Variants in SLC1A2 observed in about 807,000 individuals in gnomAD.
SLC1A2 encodes the protein solute carrier family 1 member 2, also known as excitatory amino acid transporter 2.
Under a neutral mutation model 48.8 loss-of-function variants are expected in SLC1A2, and 15 were observed. The ratio of observed to expected loss-of-function variants is 0.31; its 90% CI spans 0.21 to 0.47. SLC1A2 has a LOEUF of 0.47. SLC1A2 is among the 20% of genes least tolerant of loss of function. The pLI is 0.99. For missense variants in SLC1A2, 502 were observed against 730.5 expected, an observed-to-expected ratio of 0.69 and a Z score of 3.61; for synonymous variants, 279 against 272.6, an observed-to-expected ratio of 1.02 and a Z score of -0.23.
At chr11:35,354,475 T>C (rs1185983878) in intron 1 of SLC1A2, among the ~76,000 whole-genome samples, 1 of 151,914 alleles carries the variant, frequency 6.6e-6, no homozygotes, top group Non-Finnish European at 1.5e-5. Flanking sequence ...ACTAACTAAA[T>C]AAATAAATAA....
At chr11:35,276,912 A>G (rs536805221) in intron 9 of SLC1A2, among the ~76,000 whole-genome samples, 5 of 152,360 alleles carry the variant, frequency 3.3e-5, no homozygotes, top group African/African-American at 9.6e-5. Context: ...TAATTTATAT[A>G]GAACAGAAAT....
chr11:35,371,275 G>A (rs1190545296), intron 1 of SLC1A2, among the ~76,000 whole-genome samples: 1 of 152,064 alleles, frequency 6.6e-6, no homozygotes, highest in Non-Finnish European at 1.5e-5. Flanking sequence ...CACCAACTTG[G>A]CTCCAATCCA....
In SLC1A2 at chr11:35,318,196, A is replaced by T. The variant is rs1009002450; in HGVS notation, c.18-680T>A. 2.0e-5 allele frequency among the ~76,000 whole-genome samples: 3 copies of T among 152,372 alleles called. 1 individual carries two copies. Among genetic ancestry groups the T allele is most frequent in the Middle Eastern group, 6.8e-3 (2 of 294 alleles). On this transcript the variant is annotated intron_variant, in intron 1 of 10. Transcript: ENST00000278379. ...TTTAAGAAGTATTTTGATCACCTCC[A>T]GCTATGGCTGCAGCCAAGCCCTTTT...
At position 35,331,375 on chromosome 11, in the gene SLC1A2, T is replaced by C. The variant is rs563758442; in HGVS notation, c.18-13859A>G. Among the ~76,000 whole-genome samples the C allele has an allele frequency of 2.6e-5, 4 of 152,324 alleles. No homozygotes were observed. The South Asian group carries it at 8.3e-4, about 32-fold the overall frequency. On this transcript the variant is annotated intron_variant, in intron 1 of 10. Coordinates refer to ENST00000278379, the MANE Select transcript of SLC1A2 (RefSeq NM_004171.4). ...GGTTCCTTCTAATGAGCTGCTAAAT[T>C]TGTGGCTATTGAAAGTGAACTAAAC...
At chr11:35,263,329 A>G (rs1045029450) in intron 10 of SLC1A2, among the ~76,000 whole-genome samples, 5 of 152,108 alleles carry the variant, frequency 3.3e-5, no homozygotes, top group African/African-American at 4.8e-5. Context: ...TTAGCTGGGC[A>G]TGGTGGCACA....
At chr11:35,299,351 C>CTGTGTGTGTGTGTG (rs3046423) in intron 6 of SLC1A2, 3 of 93,512 alleles carry the variant, frequency 3.2e-5, no homozygotes, top group Admixed American at 1.2e-4. Flanking sequence ...CTCTCTCTCT[C>CTGTGTGTGTGTGTG]TCTGTGTGTG....
intron 9 of SLC1A2, among the ~76,000 whole-genome samples, chr11:35,266,455 A>G (rs549771229): frequency 6.6e-6 from 1 of 152,316 alleles, no homozygotes; most frequent in South Asian, 2.1e-4. Flanking sequence ...AATCTTCCAG[A>G]ATGTTTCTGG....
At chr11:35,369,228 G>A (rs1417242328) in intron 1 of SLC1A2, among the ~76,000 whole-genome samples, 2 of 152,164 alleles carry the variant, frequency 1.3e-5, no homozygotes, top group South Asian at 2.1e-4. Context: ...CCTTCCCAGA[G>A]ACTGGGGGCT....
chr11:35,365,993 A>T (rs562158756), intron 1 of SLC1A2, among the ~76,000 whole-genome samples: 1 of 152,344 alleles, frequency 6.6e-6, no homozygotes, highest in East Asian at 1.9e-4. Context: ...TATAATGCAT[A>T]AAACAGTCCT....
rs60780591 is a variant in SLC1A2 at position 35,311,694 on chromosome 11, T to C, written c.561+504A>G. ...TCATCTCTTGGAGATTCTGATTGTGTAGGGTATTTGTATTTTTTTAAAAGT... is the reference window on the plus strand; with the variant it reads ...TCATCTCTTGGAGATTCTGATTGTGCAGGGTATTTGTATTTTTTTAAAAGT... On this transcript the variant is annotated intron_variant, in intron 4 of 10. Transcript: ENST00000278379. 8.7e-3 allele frequency among the ~76,000 whole-genome samples: 1,324 copies of C among 152,076 alleles called. 8 individuals carry two copies. The highest frequency in any genetic ancestry group is 0.03 in the African/African-American group (1,264 of 41,462).
intron 5 of SLC1A2, among the ~76,000 whole-genome samples, 162 bp downstream of exon 5, chr11:35,305,911 TA>T (rs1158354943): frequency 6.6e-6 from 1 of 152,090 alleles, no homozygotes; most frequent in East Asian, 1.9e-4. Context: ...CTCTCTTCCT[TA>T]AATCGCTCAG....
intron 1 of SLC1A2, among the ~76,000 whole-genome samples, chr11:35,354,596 G>A (rs1397550305): frequency 2.0e-5 from 3 of 152,208 alleles, no homozygotes; most frequent in Admixed American, 6.5e-5. Flanking sequence ...TGTAATGTCT[G>A]GACACATTTT....
At chr11:35,418,859 C>T (rs1855692245) in intron 1 of SLC1A2, 91 bp downstream of exon 1, 1 of 1,239,934 alleles carries the variant, frequency 8.1e-7, no homozygotes, top group Admixed American at 2.0e-5. Flanking sequence ...AGGCCCGCCG[C>T]CGCCGCCTCT....
At chr11:35,393,908 C>T (rs1345226832) in intron 1 of SLC1A2, among the ~76,000 whole-genome samples, 2 of 152,132 alleles carry the variant, frequency 1.3e-5, no homozygotes, top group Non-Finnish European at 1.5e-5. Context: ...CCTCTTCTTC[C>T]CTGTGGCTTT....
At chr11:35,420,090 A>G, upstream of SLC1A2, 1 of 254,488 alleles carries the variant, frequency 3.9e-6, no homozygotes, top group Non-Finnish European at 8.8e-6. Context: ...ATTAATATTA[A>G]TGCAGCTCCC....
intron 9 of SLC1A2, among the ~76,000 whole-genome samples, chr11:35,276,444 T>TC (rs1850441500): frequency 6.7e-6 from 1 of 148,534 alleles, no homozygotes; most frequent in Admixed American, 6.8e-5. Context: ...AAATGTATCA[T>TC]CCTTTTTAAA....
intron 8 of SLC1A2, 82 bp from the exon 9 acceptor site, chr11:35,281,083 TC>T: frequency 7.0e-7 from 1 of 1,438,476 alleles, no homozygotes; most frequent in South Asian, 1.5e-5. Flanking sequence ...GCTCTAATTT[TC>T]CTGCAGCCAT....
chr11:35,402,055 C>G (rs1855154874), intron 1 of SLC1A2, among the ~76,000 whole-genome samples: 1 of 152,138 alleles, frequency 6.6e-6, no homozygotes, highest in Non-Finnish European at 1.5e-5. Flanking sequence ...GCACTCGTTG[C>G]TTGGGGAGAC....
At position 35,412,023 on chromosome 11, in the gene SLC1A2, T is replaced by C. The variant is rs1281672414; in HGVS notation, c.17+6927A>G. Among the ~76,000 whole-genome samples, 25 of 148,782 alleles carry C rather than the reference T, an allele frequency of 1.7e-4. No individual in the cohort carries two copies. The Admixed American group carries it at 1.7e-3, about 10-fold the overall frequency. ...ATCTTGCTTTCTTTGAATGAAATTA[T>C]TGAAGACACTTACTGGAGCAAAAAA... On this transcript the variant is annotated intron_variant, in intron 1 of 10. Coordinates refer to ENST00000278379, the MANE Select transcript of SLC1A2 (RefSeq NM_004171.4).
Sources: allele counts gnomAD v4.1 joint callset (sites outside exome capture counted in the v4.1 genomes callset), GRCh38; gene constraint gnomAD v4.1.1; transcripts MANE v1.5; gene names NCBI Gene and HGNC (gene_info 2026-07-23, HGNC 2026-07-21).